NLRP11: variants seen among roughly 807,000 people sequenced by gnomAD.
The protein encoded by NLRP11 is NLR family pyrin domain containing 11.
A neutral mutation model predicts 79.3 loss-of-function variants in NLRP11; 53 were observed. The ratio of observed to expected loss-of-function variants is 0.67; its 90% confidence interval spans 0.54 to 0.84. NLRP11 has a LOEUF of 0.84. Ranked by LOEUF, NLRP11 falls within the 40% of genes least tolerant of loss-of-function variation. The pLI is 0.00. For missense variants in NLRP11, 1,264 were observed against 1,255.0 expected, an observed-to-expected ratio of 1.01 and a Z score of -0.11; for synonymous variants, 518 against 462.6, an observed-to-expected ratio of 1.12 and a Z score of -1.54.
upstream of NLRP11, among the ~76,000 whole-genome samples, chr19:55,835,613 G>A (rs1983185828): frequency 6.7e-6 from 1 of 149,456 alleles, no homozygotes; most frequent in Admixed American, 6.6e-5. Context: ...AGGCCGAGGC[G>A]GGCAGATCAC....
At chr19:55,831,215 T>G (rs545048723) in intron 1 of NLRP11, among the ~76,000 whole-genome samples, 6 of 147,866 alleles carry the variant, frequency 4.1e-5, no homozygotes, top group African/African-American at 1.5e-4. Flanking sequence ...TCAAACCTCC[T>G]CCTATCTCCT....
chr19:55,801,797 A>G lies in NLRP11; in HGVS notation c.2004-58T>C, dbSNP rs908234107. 5.6e-6 allele frequency: 8 copies of G among 1,430,238 alleles called. No individual in the cohort carries two copies. The African/African-American group carries it at 5.6e-5, about 10-fold the overall frequency. 88.6% of individuals were successfully genotyped at this position (1,430,238 alleles called of 1,614,324 possible). A position where few individuals can be genotyped will look rare whatever the true frequency, so the allele number is the denominator to read the frequency against. Reference sequence around the variant, plus strand: ...TGAAGGTCTGAACATCTTCTCCACAATTTCTCCTGCCTGCCTCACTTCATC... The same window carrying G: ...TGAAGGTCTGAACATCTTCTCCACAGTTTCTCCTGCCTGCCTCACTTCATC... On this transcript the variant is annotated intron_variant, in intron 4 of 9. Transcript: ENST00000589093.
chr19:55,835,407 G>A (rs140536360), upstream of NLRP11, among the ~76,000 whole-genome samples: 2 of 152,380 alleles, frequency 1.3e-5, no homozygotes, highest in East Asian at 3.9e-4. Flanking sequence ...TATCCATTAA[G>A]TTCTTCTTGC....
intron 1 of NLRP11, among the ~76,000 whole-genome samples, chr19:55,820,515 G>A (rs527390032): frequency 1.2e-3 from 182 of 152,230 alleles, no homozygotes; most frequent in African/African-American, 4.3e-3. Flanking sequence ...GGTCTGAGGA[G>A]GAAAGGGGAA....
intron 7 of NLRP11, among the ~76,000 whole-genome samples, chr19:55,789,878 C>T (rs767329218): frequency 2.6e-5 from 4 of 152,162 alleles, no homozygotes; most frequent in African/African-American, 7.2e-5. Flanking sequence ...AACGTACTCA[C>T]GATTGTCCGT....
intron 1 of NLRP11, among the ~76,000 whole-genome samples, chr19:55,821,190 C>T (rs992209035): frequency 1.5e-4 from 14 of 96,426 alleles, no homozygotes; most frequent in Admixed American, 7.2e-4. Context: ...ATGTGACCAG[C>T]TCTCTCTCTC....
intron 2 of NLRP11, among the ~76,000 whole-genome samples, chr19:55,817,449 G>C (rs1056478121): frequency 8.9e-5 from 11 of 123,166 alleles, no homozygotes; most frequent in African/African-American, 4.6e-4. Context: ...AGTGGATAAA[G>C]AAATTATGAA....
At chr19:55,791,655 G>A (rs1461565244) in intron 7 of NLRP11, among the ~76,000 whole-genome samples, 1 of 152,108 alleles carries the variant, frequency 6.6e-6, no homozygotes, top group South Asian at 2.1e-4. Context: ...ACAACTCCAA[G>A]GCATTTTTTA....
intron 9 of NLRP11, among the ~76,000 whole-genome samples, chr19:55,787,718 G>A (rs764190492): frequency 6.6e-6 from 1 of 152,172 alleles, no homozygotes; most frequent in Non-Finnish European, 1.5e-5. Flanking sequence ...CTTCTGCCTT[G>A]CTAACAAACT....
At chr19:55,832,543 A>C (rs7257241), upstream of NLRP11, among the ~76,000 whole-genome samples, 19,732 of 152,202 alleles carry the variant, frequency 0.13, 1,614 homozygotes, top group African/African-American at 0.23. Flanking sequence ...CCTCTAGTGA[A>C]GACTGATAGC....
At chr19:55,813,542 C>T (rs780017295) in intron 2 of NLRP11, among the ~76,000 whole-genome samples, 11 of 152,070 alleles carry the variant, frequency 7.2e-5, no homozygotes, top group East Asian at 5.8e-4. Context: ...TGCGATATGT[C>T]GAGCCATCCC....
chr19:55,816,107 G>C (rs1481013338), intron 2 of NLRP11, among the ~76,000 whole-genome samples: 1 of 152,212 alleles, frequency 6.6e-6, no homozygotes, highest in Non-Finnish European at 1.5e-5. Context: ...TTCAATATTA[G>C]AGGAATTTGA....
At chr19:55,789,313 A>G in exon 8 of NLRP11, 1 of 1,614,104 alleles carries the variant, frequency 6.2e-7, no homozygotes, top group Non-Finnish European at 8.5e-7. Context: ...GTTGCTCCCA[A>G]TCTCCAGGCT....
At position 55,791,544 on chromosome 19, in the gene NLRP11, A is replaced by G. The variant is rs1165049785; in HGVS notation, c.2513+757T>C. Among the ~76,000 whole-genome samples the G allele has an allele frequency of 2.6e-5, 4 of 152,208 alleles. No homozygotes were observed. In the East Asian group the frequency reaches 7.7e-4, roughly 29 times the overall value. On this transcript the variant is annotated intron_variant, in intron 7 of 9. Transcript: ENST00000589093. Reference sequence around the variant, plus strand: ...GGAGCTCACAAGCCATAGTGTTGCTATTTTATGAACAGGAGATGCTTTTAG... The same window carrying G: ...GGAGCTCACAAGCCATAGTGTTGCTGTTTTATGAACAGGAGATGCTTTTAG...
At chr19:55,801,498 A>G in intron 5 of NLRP11, 74 bp downstream of exon 5, 1 of 1,190,930 alleles carries the variant, frequency 8.4e-7, no homozygotes, top group African/African-American at 1.5e-5. Flanking sequence ...GTGTTATTGA[A>G]GGGGCACCTC....
At chr19:55,832,314 C>T (rs1428353402), upstream of NLRP11, among the ~76,000 whole-genome samples, 1 of 152,206 alleles carries the variant, frequency 6.6e-6, no homozygotes, top group Non-Finnish European at 1.5e-5. Context: ...ATCTCAATTT[C>T]GGATAACCAT....
In NLRP11 at chr19:55,796,203, G is replaced by C. The variant is rs1179019845; in HGVS notation, c.2219C>G (p.Ser740Cys). 10 of 1,613,842 alleles carry C rather than the reference G, an allele frequency of 6.2e-6. No individual in the cohort carries two copies. The East Asian group carries it at 6.7e-5, about 11-fold the overall frequency. ...CAGACTCCCGCCACTGATGAGGAGA[G>C]AGGCGATTTCTTCACATTCGCTGGC... Residue 740 changes from serine to cysteine, a missense_variant, in exon 6 of 10, where the codon TCT (serine) becomes TGT (cysteine). By Grantham distance (112) the Ser-to-Cys change is moderately radical. Transcript: ENST00000589093.
At chr19:55,788,858 G>A in exon 9 of NLRP11, 1 of 1,610,342 alleles carries the variant, frequency 6.2e-7, no homozygotes, top group Non-Finnish European at 8.5e-7. Flanking sequence ...AAGAAGTTTT[G>A]CAACTCCATC....
chr19:55,803,931 A>G (rs975885284), intron 4 of NLRP11, among the ~76,000 whole-genome samples: 1 of 152,138 alleles, frequency 6.6e-6, no homozygotes, highest in Non-Finnish European at 1.5e-5. Context: ...AAAATACAAA[A>G]AATTAGCCAG....
Sources: gnomAD v4.1 joint callset for allele counts (sites outside exome capture counted in the v4.1 genomes callset) on GRCh38, gnomAD v4.1.1 for gene constraint, MANE v1.5 for transcripts, NCBI Gene and HGNC (gene_info 2026-07-23, HGNC 2026-07-21) for gene names.